Variants in EZH2 observed in about 807,000 individuals in gnomAD.
EZH2 encodes enhancer of zeste 2 polycomb repressive complex 2 subunit.
A neutral mutation model predicts 98.4 loss-of-function variants in EZH2; 18 were observed. That is an observed-to-expected ratio of 0.18 (90% CI 0.13 to 0.27). EZH2 has a LOEUF of 0.27. Among genes scored for constraint, EZH2 ranks in the 10% least tolerant of loss-of-function variants. The probability of loss-of-function intolerance (pLI) is 1.00; values close to 1 mark genes in which losing one functional copy is unlikely to be tolerated. For synonymous variants in EZH2, 338 were observed against 312.3 expected, an observed-to-expected ratio of 1.08 and a Z score of -0.87; for missense variants, 470 against 935.1, an observed-to-expected ratio of 0.50 and a Z score of 6.49.
intron 1 of EZH2, among the ~76,000 whole-genome samples, chr7:148,857,338 A>C (rs573182869): frequency 9.8e-5 from 15 of 152,372 alleles, no homozygotes; most frequent in East Asian, 3.9e-4. Context: ...CAACCAAAGA[A>C]AGACATTAGT....
chr7:148,847,685 AG>A (rs67864267), intron 1 of EZH2, among the ~76,000 whole-genome samples: 25,852 of 152,128 alleles, frequency 0.17, 2,305 homozygotes, highest in East Asian at 0.25. Flanking sequence ...TAGCTGTTAC[AG>A]TAGCAAGGCA....
Position 148,880,088 on chromosome 7 carries a change from G to T in EZH2, c.-8+4076C>A, listed in dbSNP as rs765557917. On this transcript the variant is annotated intron_variant, in intron 1 of 19. Transcript: ENST00000320356. The stretch of plus-strand genomic sequence containing the variant: ...CTTGTTCTGTCTTGCTATTGTTAAT[G>T]GAAAACAAGACCAATTATTAAGAAA... Among the ~76,000 whole-genome samples, 15 of 152,182 alleles carry T rather than the reference G, an allele frequency of 9.9e-5. 1 individual carries two copies. The highest frequency in any genetic ancestry group is 2.1e-4 in the Non-Finnish European group (14 of 68,038).
At chr7:148,866,109 C>T (rs917606195) in intron 1 of EZH2, among the ~76,000 whole-genome samples, 1 of 152,104 alleles carries the variant, frequency 6.6e-6, no homozygotes. Flanking sequence ...CAGTTATGAG[C>T]AGTAAGTCTT....
At position 148,846,838 on chromosome 7, in the gene EZH2, CTGTGTGTGTG is replaced by C. The variant is rs59597308; in HGVS notation, c.118-250_118-241del. Among the ~76,000 whole-genome samples the C allele has an allele frequency of 0.17, 22,383 of 135,048 alleles. 1,860 individuals are homozygous for C. Among genetic ancestry groups the C allele is most frequent in the Middle Eastern group, 0.23 (65 of 278 alleles). 88.6% of individuals were successfully genotyped at this position (135,048 alleles called of 152,430 possible). ...ACGATTGCCATCCTTTCTTTGTTGA[CTGTGTGTGTG>C]TGTGTGTGTGTGTGTGTGTGTGTGT... On this transcript the variant is annotated intron_variant, in intron 2 of 19. Transcript: ENST00000320356.
intron 10 of EZH2, 21 bp downstream of exon 10, chr7:148,817,856 C>G: frequency 5.0e-6 from 8 of 1,614,132 alleles, no homozygotes; most frequent in Non-Finnish European, 5.1e-6. Context: ...CAGTAAAACC[C>G]AGTTATTAGA....
intron 19 of EZH2, 67 bp from the exon 20 acceptor site, chr7:148,807,773 AACAAAGCC>A: frequency 1.9e-6 from 2 of 1,033,864 alleles, no homozygotes; most frequent in Non-Finnish European, 2.9e-6. Context: ...GACTTAACAC[AACAAAGCC>A]TGCTGAAGAT....
chr7:148,818,254 T>C (rs1805115868), intron 9 of EZH2, 137 bp from the exon 10 acceptor site: 1 of 901,302 alleles, frequency 1.1e-6, no homozygotes, highest in African/African-American at 1.7e-5. Context: ...ATCATTTGCA[T>C]GTCTAATATA....
chr7:148,866,531 T>C (rs1182961562), intron 1 of EZH2, among the ~76,000 whole-genome samples: 1 of 102,890 alleles, frequency 9.7e-6, no homozygotes, highest in Admixed American at 1.1e-4. Context: ...TATATACATA[T>C]ATATACGTAT....
intron 1 of EZH2, among the ~76,000 whole-genome samples, chr7:148,875,699 T>C (rs780589749): frequency 6.6e-6 from 1 of 152,178 alleles, no homozygotes; most frequent in Non-Finnish European, 1.5e-5. Context: ...AGTTTAACGG[T>C]TTCTTACAAA....
intron 3 of EZH2, chr7:148,836,672 C>T (rs1810997942): frequency 5.3e-6 from 2 of 374,084 alleles, no homozygotes; most frequent in Middle Eastern, 9.0e-4. Flanking sequence ...ACTTGAGGAT[C>T]ACACAAGGAA....
intron 9 of EZH2, among the ~76,000 whole-genome samples, chr7:148,818,592 C>G (rs1479474731): frequency 1.3e-5 from 2 of 152,036 alleles, no homozygotes; most frequent in Admixed American, 6.6e-5. Flanking sequence ...TTCAACTATA[C>G]AAGAACACAA....
At chr7:148,858,149 A>AG (rs1817119443) in intron 1 of EZH2, among the ~76,000 whole-genome samples, 1 of 151,452 alleles carries the variant, frequency 6.6e-6, no homozygotes, top group African/African-American at 2.4e-5. Context: ...AAAATTAGCC[A>AG]GGCGTGGTGG....
chr7:148,852,195 T>G (rs1320355623), intron 1 of EZH2, among the ~76,000 whole-genome samples: 1 of 152,196 alleles, frequency 6.6e-6, no homozygotes, highest in Non-Finnish European at 1.5e-5. Flanking sequence ...TTTAGCAGAA[T>G]GTAGTGACAC....
intron 1 of EZH2, among the ~76,000 whole-genome samples, chr7:148,859,595 G>A (rs899671171): frequency 6.6e-6 from 1 of 151,994 alleles, no homozygotes. Flanking sequence ...AACAATACAG[G>A]TAAGTGAGTT....
chr7:148,857,837 A>G (rs1032155963), intron 1 of EZH2, among the ~76,000 whole-genome samples: 1 of 152,106 alleles, frequency 6.6e-6, no homozygotes, highest in African/African-American at 2.4e-5. Context: ...TTACATAACA[A>G]CCCAATGTAA....
At chr7:148,881,674 C>G (rs954530154) in intron 1 of EZH2, among the ~76,000 whole-genome samples, 3 of 152,084 alleles carry the variant, frequency 2.0e-5, no homozygotes, top group Non-Finnish European at 4.4e-5. Context: ...TGGTGGCTCA[C>G]GTCTGGATCA....
At chr7:148,818,250 T>G (rs1174399604) in intron 9 of EZH2, 133 bp from the exon 10 acceptor site, 2 of 942,638 alleles carry the variant, frequency 2.1e-6, no homozygotes, top group African/African-American at 3.3e-5. Flanking sequence ...AATAATCATT[T>G]GCATGTCTAA....
At chr7:148,820,877 A>G (rs1805866471) in intron 8 of EZH2, 1 of 152,232 alleles carries the variant, frequency 6.6e-6, no homozygotes, top group African/African-American at 2.4e-5. Context: ...AACTTCATAC[A>G]AATAAATCTC....
intron 19 of EZH2, among the ~76,000 whole-genome samples, chr7:148,808,328 T>G (rs1373683739): frequency 6.6e-6 from 1 of 152,226 alleles, no homozygotes; most frequent in African/African-American, 2.4e-5. Flanking sequence ...CACTGAGAGC[T>G]CGCTGCTGTG....
Sources: gnomAD v4.1 joint callset for allele counts (sites outside exome capture counted in the v4.1 genomes callset) on GRCh38, gnomAD v4.1.1 for gene constraint, MANE v1.5 for transcripts, NCBI Gene and HGNC (gene_info 2026-07-23, HGNC 2026-07-21) for gene names.